GSPT1: variants seen among roughly 807,000 people sequenced by gnomAD.
GSPT1 encodes eukaryotic peptide chain release factor GTP-binding subunit ERF3A.
GSPT1 carries 20 observed loss-of-function variants against 72.5 expected under a neutral mutation model. That is an observed-to-expected ratio of 0.28 (90% CI 0.19 to 0.40). GSPT1 has a LOEUF of 0.40. Among genes scored for constraint, GSPT1 ranks in the 10% least tolerant of loss-of-function variants. The pLI is 1.00. For synonymous variants in GSPT1, 334 were observed against 293.5 expected, an observed-to-expected ratio of 1.14 and a Z score of -1.41; for missense variants, 580 against 811.9, an observed-to-expected ratio of 0.71 and a Z score of 3.47.
At chr16:11,906,785 C>T (rs1352942528) in intron 1 of GSPT1, among the ~76,000 whole-genome samples, 1 of 152,126 alleles carries the variant, frequency 6.6e-6, no homozygotes, top group African/African-American at 2.4e-5. Context: ...CAGCAGCCAA[C>T]AAGTCTTAAT....
intron 1 of GSPT1, among the ~76,000 whole-genome samples, chr16:11,901,206 A>C (rs1302834777): frequency 1.3e-5 from 2 of 152,026 alleles, no homozygotes. Context: ...TCATACATAC[A>C]CAGTAAACCT....
intron 1 of GSPT1, among the ~76,000 whole-genome samples, chr16:11,899,596 A>G (rs980371930): frequency 7.2e-5 from 11 of 152,128 alleles, no homozygotes; most frequent in African/African-American, 2.7e-4. Context: ...AACAGGGGGG[A>G]AACGCATTTG....
chr16:11,873,415 A>G (rs2054000984), intron 14 of GSPT1, among the ~76,000 whole-genome samples: 1 of 152,012 alleles, frequency 6.6e-6, no homozygotes. Flanking sequence ...CCCCCCAAAC[A>G]ATTCTCCTGC....
At position 11,883,080 on chromosome 16, in the gene GSPT1, C is replaced by T. The variant is rs201047095; in HGVS notation, c.1363G>A (p.Val455Ile). The T allele has an allele frequency of 5.9e-5, 94 of 1,601,536 alleles. No homozygotes were observed. In the African/African-American group the frequency reaches 1.2e-3, roughly 21 times the overall value. The change falls in exon 11 of 15, where the codon GTC becomes ATC. Residue 455 changes from valine to isoleucine, a missense_variant. Val to Ile is a conservative substitution (Grantham distance 29). This residue lies in a region of GSPT1 where 120 missense variants were observed against 242.5 expected (regional missense o/e 0.49). Coordinates refer to ENST00000434724, the MANE Select transcript of GSPT1 (RefSeq NM_002094.4). ...VDKYKDMGTV[V>I]LGKLESGSIC... Reference sequence around the variant, plus strand: ...GATCCTGATTCCAGCTTTCCCAGGACCACAGTGCCCATATCCTGATCAAAT... The same window carrying T: ...GATCCTGATTCCAGCTTTCCCAGGATCACAGTGCCCATATCCTGATCAAAT...
At chr16:11,880,010 C>T (rs1471940207) in intron 11 of GSPT1, among the ~76,000 whole-genome samples, 2 of 152,132 alleles carry the variant, frequency 1.3e-5, no homozygotes, top group Non-Finnish European at 2.9e-5. Flanking sequence ...CCCCGTTCAC[C>T]CGAACCCTGG....
At chr16:11,911,031 C>A (rs1367538947) in intron 1 of GSPT1, among the ~76,000 whole-genome samples, 1 of 152,200 alleles carries the variant, frequency 6.6e-6, no homozygotes, top group Non-Finnish European at 1.5e-5. Context: ...TGTGATACTC[C>A]AGGGATACTG....
Position 11,915,706 on chromosome 16 carries a change from A to C in GSPT1, c.15T>G (p.Ser5Arg). 9 of 1,471,182 alleles carry C rather than the reference A, an allele frequency of 6.1e-6. No individual in the cohort carries two copies. The highest frequency in any genetic ancestry group is 5.7e-5 in the East Asian group (2 of 34,952). The allele number at this position is 1,471,182 out of a possible 1,614,324, so 91.1% of individuals were successfully genotyped here. Reference sequence around the variant, plus strand: ...CGCCGCCGCCGCCGCCGCCGCCGCCACTGCCCGGATCCATGATCGGGGGGG... The same window carrying C: ...CGCCGCCGCCGCCGCCGCCGCCGCCCCTGCCCGGATCCATGATCGGGGGGG... MDPG[S>R]GGGGGGGGGG... Residue 5 changes from serine to arginine, a missense_variant, in exon 1 of 15, where the codon AGT (serine) becomes AGG (arginine). By Grantham distance (110) the Ser-to-Arg change is moderately radical. Around this residue, in one of 6 missense-constraint regions of GSPT1, gnomAD observed 327 missense variants for 298.8 expected, o/e 1.09. Transcript: ENST00000434724.
chr16:11,915,818 G>A lies in GSPT1; in HGVS notation c.-98C>T. 1 of 1,556,944 alleles carries A rather than the reference G, an allele frequency of 6.4e-7. No homozygotes were observed. On this transcript the variant is annotated 5_prime_UTR_variant, in exon 1 of 15. Transcript: ENST00000434724. The stretch of plus-strand genomic sequence containing the variant: ...GGGCAACGCTGACTGAGGGAAGGCG[G>A]CGGGGCAGAAGGGCCGGGAGCTAGC...
intron 5 of GSPT1, among the ~76,000 whole-genome samples, chr16:11,891,911 T>C (rs1446591321): frequency 1.3e-5 from 2 of 148,870 alleles, no homozygotes; most frequent in Admixed American, 1.3e-4. Flanking sequence ...TCTGCCAGCC[T>C]CAGCCTCCCA....
At chr16:11,915,102 A>G (rs1363278593) in intron 1 of GSPT1, 3 of 1,276,218 alleles carry the variant, frequency 2.4e-6, no homozygotes, top group African/African-American at 3.1e-5. Flanking sequence ...TGCGGACTCC[A>G]GAGCAGGGCA....
chr16:11,892,511 A>AAAAAAAAAAT (rs1567443170), intron 5 of GSPT1, among the ~76,000 whole-genome samples: 6 of 133,930 alleles, frequency 4.5e-5, no homozygotes, highest in African/African-American at 1.8e-4. Flanking sequence ...TTTCTCAAAA[A>AAAAAAAAAAT]AACAAAAAAA....
At chr16:11,875,155 C>G (rs972618488) in intron 14 of GSPT1, among the ~76,000 whole-genome samples, 1 of 151,598 alleles carries the variant, frequency 6.6e-6, no homozygotes, top group African/African-American at 2.4e-5. Context: ...TGCCACTGCA[C>G]TCCAGCCTGG....
rs2053987880 is a variant in GSPT1 at position 11,872,355 on chromosome 16, A to G, written c.*764T>C. The G allele has an allele frequency of 6.6e-6, 1 of 151,796 alleles. No individual in the cohort carries two copies. Among genetic ancestry groups the G allele is most frequent in the Non-Finnish European group, 1.5e-5 (1 of 67,988 alleles). The allele number at this position is 151,796 out of a possible 1,614,324, so 9.4% of individuals were successfully genotyped here. On this transcript the variant is annotated 3_prime_UTR_variant, in exon 15 of 15. Coordinates refer to ENST00000434724, the MANE Select transcript of GSPT1 (RefSeq NM_002094.4). ...ATTTTAAAACAACTTACTGTGTTCA[A>G]GAAATCATGTTACAATATAAATTGG...
chr16:11,895,934 C>T (rs992567893), intron 4 of GSPT1, among the ~76,000 whole-genome samples: 4 of 152,216 alleles, frequency 2.6e-5, no homozygotes, highest in African/African-American at 9.6e-5. Context: ...CGCTCCTTTA[C>T]ACTTTCAAAA....
chr16:11,880,887 A>G (rs1040675528), intron 11 of GSPT1, among the ~76,000 whole-genome samples: 8 of 152,026 alleles, frequency 5.3e-5, no homozygotes, highest in African/African-American at 1.9e-4. Flanking sequence ...TTTTATTGTA[A>G]AAGTCTGGCC....
chr16:11,892,524 A>AATAAATAAATAAAT (rs1567443281), intron 5 of GSPT1, among the ~76,000 whole-genome samples: 3 of 126,724 alleles, frequency 2.4e-5, no homozygotes, highest in Admixed American at 7.8e-5. Context: ...CAAAAAAAAC[A>AATAAATAAATAAAT]AAAAAAACAA....
Position 11,868,263 on chromosome 16 carries a change from C to A in GSPT1, c.*4856G>T, listed in dbSNP as rs865936399. The A allele has an allele frequency of 4.0e-5, 6 of 151,802 alleles. No homozygotes were observed. The highest frequency in any genetic ancestry group is 7.4e-5 in the Non-Finnish European group (5 of 67,994). The allele number at this position is 151,802 out of a possible 1,614,324, so 9.4% of individuals were successfully genotyped here. On this transcript the variant is annotated 3_prime_UTR_variant, in exon 15 of 15. Transcript: ENST00000434724. The stretch of plus-strand genomic sequence containing the variant: ...TCAGGCACAGTAGGTAGCTACAAAT[C>A]GTAAGAAAAAGCTTTCTTTCCTACC...
At position 11,877,704 on chromosome 16, in the gene GSPT1, G is replaced by A. The variant is rs1159265311; in HGVS notation, c.1429-124C>T. 3 of 602,820 alleles carry A rather than the reference G, an allele frequency of 5.0e-6. No homozygotes were observed. The highest frequency in any genetic ancestry group is 8.5e-6 in the Non-Finnish European group (3 of 354,938). The allele number at this position is 602,820 out of a possible 1,614,324, so 37.3% of individuals were successfully genotyped here. A position where few individuals can be genotyped will look rare whatever the true frequency, so the allele number is the denominator to read the frequency against. On this transcript the variant is annotated intron_variant, in intron 11 of 14. Transcript: ENST00000434724. The surrounding 1 kb of genome is among the most constrained non-coding windows in gnomAD (Gnocchi z 4.0). Reference sequence around the variant, plus strand: ...GATTTGACTGTAAACACTTATGTTTGTATGACATAAAATCTTAGCCTAGAT... The same window carrying A: ...GATTTGACTGTAAACACTTATGTTTATATGACATAAAATCTTAGCCTAGAT...
chr16:11,872,415 C>T lies in GSPT1; in HGVS notation c.*704G>A, dbSNP rs2053989313. On this transcript the variant is annotated 3_prime_UTR_variant, in exon 15 of 15. Transcript: ENST00000434724. ...AAAAAATAAATAAATAACTAAAAGA[C>T]CTAGTAAAGCAGTGTCACATTTGCA... 1 of 151,312 alleles carries T rather than the reference C, an allele frequency of 6.6e-6. No homozygotes were observed. The highest frequency in any genetic ancestry group is 6.6e-5 in the Admixed American group (1 of 15,214). 9.4% of individuals were successfully genotyped at this position (151,312 alleles called of 1,614,324 possible).
Sources: gnomAD v4.1 joint callset for allele counts (sites outside exome capture counted in the v4.1 genomes callset) on GRCh38, gnomAD v4.1.1 for gene constraint, gnomAD v4.1.1 regional missense constraint, Gnocchi (gnomAD v3.1) non-coding constraint, MANE v1.5 for transcripts, NCBI Gene and HGNC (gene_info 2026-07-23, HGNC 2026-07-21) for gene names.